GLIS1: variants seen among roughly 807,000 people sequenced by gnomAD.
The protein encoded by GLIS1 is zinc finger protein GLIS1.
A neutral mutation model predicts 63.8 loss-of-function variants in GLIS1; 24 were observed. The observed-to-expected ratio is 0.38, with a 90% CI of 0.27 to 0.53. The LOEUF (loss-of-function observed/expected upper bound fraction) is 0.53. Ranked by LOEUF, GLIS1 falls within the 20% of genes least tolerant of loss-of-function variation. GLIS1 has a pLI of 0.85. For synonymous variants in GLIS1, 450 were observed against 482.5 expected (o/e 0.93, Z 0.88); for missense variants, 1,036 against 1,074.1 (o/e 0.96, Z 0.50).
At chr1:53,596,302 C>T (rs1259652453) in intron 3 of GLIS1, among the ~76,000 whole-genome samples, 8 of 152,252 alleles carry the variant, frequency 5.3e-5, no homozygotes, top group Admixed American at 1.3e-4. Context: ...CAGAGAGAGA[C>T]GGAAGGGCCT....
intron 5 of GLIS1, among the ~76,000 whole-genome samples, chr1:53,529,566 C>A (rs779917572): frequency 6.6e-6 from 1 of 152,126 alleles, no homozygotes; most frequent in Non-Finnish European, 1.5e-5. Context: ...TTGGTTGTTG[C>A]GACTGGGAGT....
intron 4 of GLIS1, among the ~76,000 whole-genome samples, chr1:53,530,549 C>T (rs990090889): frequency 9.9e-5 from 15 of 152,208 alleles, no homozygotes; most frequent in Non-Finnish European, 1.0e-4. Flanking sequence ...ACAAGAGCCA[C>T]GTTTGTAAAC....
At chr1:53,607,560 C>G (rs114063295) in intron 2 of GLIS1, among the ~76,000 whole-genome samples, 55 of 152,298 alleles carry the variant, frequency 3.6e-4, no homozygotes, top group African/African-American at 1.3e-3. Flanking sequence ...AAACCCATTT[C>G]CAGATGAAGA....
In GLIS1 at chr1:53,529,778, C is replaced by T. The variant is rs766539868; in HGVS notation, c.1482+13G>A. On this transcript the variant is annotated intron_variant, in intron 5 of 10. Transcript: ENST00000628545. ...CCTCCACCCCGCCCTGGGCCTCTGC[C>T]TGTTGGGCCTACCGTGTCTAGGTGG... 2 of 1,608,880 alleles carry T rather than the reference C, an allele frequency of 1.2e-6. No individual in the cohort carries two copies. The highest frequency in any genetic ancestry group is 1.7e-6 in the Non-Finnish European group (2 of 1,179,280).
intron 2 of GLIS1, among the ~76,000 whole-genome samples, chr1:53,718,956 C>T (rs996932532): frequency 2.6e-5 from 4 of 152,190 alleles, no homozygotes; most frequent in Non-Finnish European, 5.9e-5. Context: ...GACTTGGATG[C>T]TTAGTGCCCA....
chr1:53,585,647 C>T (rs1645127641), intron 4 of GLIS1, among the ~76,000 whole-genome samples: 1 of 152,136 alleles, frequency 6.6e-6, no homozygotes, highest in Non-Finnish European at 1.5e-5. Flanking sequence ...GCCTCAAGAC[C>T]AGGAACTACA....
intron 2 of GLIS1, among the ~76,000 whole-genome samples, chr1:53,718,416 C>T (rs184345354): frequency 3.3e-5 from 5 of 151,864 alleles, no homozygotes; most frequent in African/African-American, 7.2e-5. Flanking sequence ...TGGAGTATGG[C>T]GGCAAGCGGG....
At chr1:53,584,259 C>T (rs1391891812) in intron 4 of GLIS1, among the ~76,000 whole-genome samples, 2 of 152,226 alleles carry the variant, frequency 1.3e-5, no homozygotes, top group African/African-American at 4.8e-5. Flanking sequence ...GACCTTGAGG[C>T]CCTTTGAGGC....
intron 2 of GLIS1, among the ~76,000 whole-genome samples, chr1:53,617,502 C>T (rs1341418378): frequency 1.3e-5 from 2 of 152,252 alleles, no homozygotes; most frequent in African/African-American, 4.8e-5. Flanking sequence ...GGATTGTTCA[C>T]CATCTCAGAA....
chr1:53,510,473 C>G (rs1167411142), intron 8 of GLIS1, among the ~76,000 whole-genome samples: 1 of 152,176 alleles, frequency 6.6e-6, no homozygotes, highest in African/African-American at 2.4e-5. Context: ...GGACGAGGAG[C>G]CCTGGAGCAG....
chr1:53,580,107 T>C (rs1286190743), intron 4 of GLIS1, among the ~76,000 whole-genome samples: 1 of 152,166 alleles, frequency 6.6e-6, no homozygotes, highest in Admixed American at 6.5e-5. Context: ...CCTAGGCCTC[T>C]TGAGGGGTGG....
intron 7 of GLIS1, among the ~76,000 whole-genome samples, chr1:53,515,294 G>T (rs570825216): frequency 7.0e-4 from 106 of 152,204 alleles, no homozygotes; most frequent in South Asian, 3.5e-3. Context: ...AGGCAGTGCT[G>T]CTGCAGGGCA....
intron 2 of GLIS1, among the ~76,000 whole-genome samples, chr1:53,647,845 ATCT>A (rs1270924128): frequency 6.6e-6 from 1 of 152,158 alleles, no homozygotes; most frequent in Admixed American, 6.5e-5. Flanking sequence ...ATACATGAAG[ATCT>A]TCTACACGAA....
chr1:53,609,512 A>C (rs926314704), intron 2 of GLIS1, among the ~76,000 whole-genome samples: 8 of 151,964 alleles, frequency 5.3e-5, no homozygotes, highest in African/African-American at 1.9e-4. Flanking sequence ...CTCATGATCC[A>C]CCTGCCTTGG....
At chr1:53,546,834 C>T (rs1294381239) in intron 4 of GLIS1, among the ~76,000 whole-genome samples, 1 of 152,188 alleles carries the variant, frequency 6.6e-6, no homozygotes, top group Non-Finnish European at 1.5e-5. Context: ...CCTAGATTTC[C>T]CTGTTGTTAA....
chr1:53,569,518 A>G (rs1569844403), intron 4 of GLIS1, among the ~76,000 whole-genome samples: 1 of 152,188 alleles, frequency 6.6e-6, no homozygotes, highest in East Asian at 1.9e-4. Context: ...GAAAGAGTCC[A>G]TAAAAATCCT....
intron 2 of GLIS1, among the ~76,000 whole-genome samples, chr1:53,735,980 G>C (rs1258033780): frequency 6.6e-6 from 1 of 152,172 alleles, no homozygotes; most frequent in East Asian, 1.9e-4. Context: ...GGCCAGAGCT[G>C]TGGCTTCCCT....
chr1:53,559,847 C>T (rs1303524898), intron 4 of GLIS1, among the ~76,000 whole-genome samples: 1 of 152,174 alleles, frequency 6.6e-6, no homozygotes, highest in Non-Finnish European at 1.5e-5. Flanking sequence ...CATATACACA[C>T]ACTCTATCAC....
At chr1:53,582,314 G>C (rs1645093215) in intron 4 of GLIS1, among the ~76,000 whole-genome samples, 1 of 152,216 alleles carries the variant, frequency 6.6e-6, no homozygotes, top group Admixed American at 6.5e-5. Context: ...ACAGCAATCA[G>C]TCATCACACC....
Sources: allele counts gnomAD v4.1 joint callset (sites outside exome capture counted in the v4.1 genomes callset), GRCh38; gene constraint gnomAD v4.1.1; transcripts MANE v1.5; gene names NCBI Gene and HGNC (gene_info 2026-07-23, HGNC 2026-07-21).